The following SIPA1L3 variants were observed in gnomAD, a reference collection of about 807,000 sequenced individuals.
SIPA1L3 encodes the protein signal induced proliferation associated 1 like 3, also known as signal-induced proliferation-associated 1-like protein 3.
Under a neutral mutation model 150.1 loss-of-function variants are expected in SIPA1L3, and 59 were observed. The observed-to-expected ratio is 0.39, with a 90% CI of 0.32 to 0.49. SIPA1L3 has a LOEUF of 0.49. SIPA1L3 is among the 20% of genes least tolerant of loss of function. The probability of loss-of-function intolerance (pLI) is 0.86; values close to 1 mark genes in which losing one functional copy is unlikely to be tolerated. For synonymous variants in SIPA1L3, 1,070 were observed against 1,077.6 expected, an observed-to-expected ratio of 0.99 and a Z score of 0.14; for missense variants, 2,211 against 2,489.5, an observed-to-expected ratio of 0.89 and a Z score of 2.38.
At chr19:38,166,972 C>T (rs930041138) in intron 15 of SIPA1L3, among the ~76,000 whole-genome samples, 12 of 151,708 alleles carry the variant, frequency 7.9e-5, no homozygotes, top group Non-Finnish European at 1.5e-4. Flanking sequence ...CAGTGGCTCA[C>T]GCCTGTAATC....
rs561713950 is a variant in SIPA1L3 at position 38,029,850 on chromosome 19, C to T, written c.-311+694C>T. 4.5e-3 allele frequency among the ~76,000 whole-genome samples: 645 copies of T among 142,944 alleles called. 4 individuals carry two copies. Among genetic ancestry groups the T allele is most frequent in the African/African-American group, 0.016 (617 of 38,860 alleles). The allele number at this position is 142,944 out of a possible 152,430, so 93.8% of individuals were successfully genotyped here. On this transcript the variant is annotated intron_variant, in intron 2 of 21. Transcript: ENST00000222345. Reference sequence around the variant, plus strand: ...CCGACCTCAGGTGAACTGCCCACCTCGGCCTCTTTTTTTTTTTTTTTTGAG... The same window carrying T: ...CCGACCTCAGGTGAACTGCCCACCTTGGCCTCTTTTTTTTTTTTTTTTGAG...
chr19:38,078,470 A>G (rs1209926257), intron 2 of SIPA1L3, among the ~76,000 whole-genome samples: 1 of 142,218 alleles, frequency 7.0e-6, no homozygotes, highest in Non-Finnish European at 1.5e-5. Context: ...ACACACACAC[A>G]GGCACACAGA....
chr19:38,079,953 A>G (rs1969939300), intron 2 of SIPA1L3, among the ~76,000 whole-genome samples: 1 of 152,254 alleles, frequency 6.6e-6, no homozygotes, highest in Non-Finnish European at 1.5e-5. Flanking sequence ...TTGGTGCATC[A>G]GAACAGAAAA....
intron 2 of SIPA1L3, among the ~76,000 whole-genome samples, chr19:38,063,946 C>T (rs1969510613): frequency 6.6e-6 from 1 of 152,232 alleles, no homozygotes; most frequent in Non-Finnish European, 1.5e-5. Context: ...ATGATGCCCC[C>T]AGTTAAGTAC....
At chr19:38,117,248 C>G (rs1970908014) in intron 8 of SIPA1L3, among the ~76,000 whole-genome samples, 1 of 151,994 alleles carries the variant, frequency 6.6e-6, no homozygotes, top group East Asian at 1.9e-4. Context: ...GTGGCTGGAG[C>G]TGGCTGGCTG....
At position 38,207,620 on chromosome 19, in the gene SIPA1L3, C is replaced by T. The variant is rs11881219; in HGVS notation, c.*1380C>T. The T allele has an allele frequency of 0.28, 41,896 of 151,196 alleles. 6,819 individuals are homozygous for T. Among genetic ancestry groups the T allele is most frequent in the East Asian group, 0.43 (2,189 of 5,060 alleles). The allele number at this position is 151,196 out of a possible 1,614,324, so 9.4% of individuals were successfully genotyped here. A position where few individuals can be genotyped will look rare whatever the true frequency, so the allele number is the denominator to read the frequency against. On this transcript the variant is annotated 3_prime_UTR_variant, in exon 22 of 22. Transcript: ENST00000222345. ...AGGCCGGTGCCCTTTTTGGGAGGCA[C>T]CAGGCGGGGAGGAGTTGGCGGAGCA...
rs1198226095 is a variant in SIPA1L3 at position 38,119,834 on chromosome 19, G to A, written c.2820G>A (p.Ala940=). The A allele has an allele frequency of 3.1e-6, 5 of 1,613,242 alleles. No homozygotes were observed. The highest frequency in any genetic ancestry group is 1.7e-5 in the Admixed American group (1 of 60,010). Residue 940 remains alanine, a synonymous_variant, in exon 9 of 22, where the codon GCG becomes GCA. Transcript: ENST00000222345. ...GAGGAGACCACATCTTCCTACAGGC[G>A]ACAGAGGGTTCTGTGGAGGACATAA... ...YGRGDHIFLQ[A]TEGSVEDIRE... is the part of the protein sequence containing the mutation.
chr19:38,093,129 G>GA (rs1468729829), intron 4 of SIPA1L3, among the ~76,000 whole-genome samples: 3 of 152,124 alleles, frequency 2.0e-5, no homozygotes, highest in Non-Finnish European at 4.4e-5. Context: ...AAAGTGCCGG[G>GA]ATTACAGGCA....
chr19:38,155,074 T>G (rs1242454769), intron 13 of SIPA1L3, among the ~76,000 whole-genome samples: 1 of 151,828 alleles, frequency 6.6e-6, no homozygotes, highest in Non-Finnish European at 1.5e-5. Context: ...ATGTTTAACT[T>G]TATAAGAAGG....
intron 9 of SIPA1L3, among the ~76,000 whole-genome samples, chr19:38,123,253 G>GT (rs72041133): frequency 0.027 from 3,764 of 137,150 alleles, 159 homozygotes; most frequent in African/African-American, 0.1. Context: ...GGGTTTTGGA[G>GT]TTTTTTTTTT....
chr19:38,141,133 C>A, intron 10 of SIPA1L3, 51 bp from the exon 11 acceptor site: 2 of 1,519,426 alleles, frequency 1.3e-6, no homozygotes, highest in South Asian at 2.6e-5. Context: ...ACAGCAGGCC[C>A]ACGTGTTGGT....
intron 12 of SIPA1L3, among the ~76,000 whole-genome samples, chr19:38,149,855 A>G (rs1220200228): frequency 6.6e-6 from 1 of 152,206 alleles, no homozygotes; most frequent in Admixed American, 6.5e-5. Flanking sequence ...GTTACCAAGG[A>G]GGAAGGAGAG....
At chr19:38,107,171 C>T (rs1428242561) in intron 7 of SIPA1L3, among the ~76,000 whole-genome samples, 2 of 152,234 alleles carry the variant, frequency 1.3e-5, no homozygotes, top group Non-Finnish European at 2.9e-5. Flanking sequence ...AGGCTCACAT[C>T]CACCAGCTTA....
chr19:38,119,966 A>C, intron 9 of SIPA1L3, 84 bp downstream of exon 9: 1 of 932,174 alleles, frequency 1.1e-6, no homozygotes. Flanking sequence ...TAGCCCAGTC[A>C]GTTAGGCTAA....
intron 1 of SIPA1L3, among the ~76,000 whole-genome samples, chr19:37,944,930 G>A (rs773153860): frequency 6.6e-6 from 1 of 152,146 alleles, no homozygotes; most frequent in Non-Finnish European, 1.5e-5. Context: ...CAGCCTGGGT[G>A]ATAGAGCGAG....
chr19:37,933,704 A>G (rs1371997531), intron 1 of SIPA1L3, among the ~76,000 whole-genome samples: 2 of 152,152 alleles, frequency 1.3e-5, no homozygotes. Flanking sequence ...CTGGTCACCC[A>G]GTGGCTCTCT....
intron 1 of SIPA1L3, among the ~76,000 whole-genome samples, chr19:38,010,877 A>T (rs1242800460): frequency 6.6e-6 from 1 of 152,108 alleles, no homozygotes; most frequent in African/African-American, 2.4e-5. Flanking sequence ...TCTTCCAAGG[A>T]TGGTTGTGAG....
intron 18 of SIPA1L3, among the ~76,000 whole-genome samples, chr19:38,198,086 C>T (rs1973003584): frequency 6.6e-6 from 1 of 152,214 alleles, no homozygotes; most frequent in South Asian, 2.1e-4. Context: ...CAGGCACACT[C>T]CTGCCTCAGG....
intron 1 of SIPA1L3, among the ~76,000 whole-genome samples, chr19:37,993,929 C>G (rs2145640965): frequency 6.6e-6 from 1 of 152,120 alleles, no homozygotes. Context: ...GGGTCTTGCT[C>G]TGTCGCCTAG....
Sources: gnomAD v4.1 joint callset for allele counts (sites outside exome capture counted in the v4.1 genomes callset) on GRCh38, gnomAD v4.1.1 for gene constraint, MANE v1.5 for transcripts, NCBI Gene and HGNC (gene_info 2026-07-23, HGNC 2026-07-21) for gene names.